CCDC180: variants seen among roughly 807,000 people sequenced by gnomAD.
CCDC180 encodes coiled-coil domain-containing protein 180.
A neutral mutation model predicts 209.2 loss-of-function variants in CCDC180; 154 were observed. The ratio of observed to expected loss-of-function variants is 0.74; its 90% CI spans 0.65 to 0.84. CCDC180 has a LOEUF of 0.84. CCDC180 is among the 40% of genes least tolerant of loss of function. The probability of loss-of-function intolerance (pLI) is 0.00; values close to 1 mark genes in which losing one functional copy is unlikely to be tolerated. For missense variants in CCDC180, 1,874 were observed against 1,997.3 expected, an observed-to-expected ratio of 0.94 and a Z score of 1.18; for synonymous variants, 778 against 749.1, an observed-to-expected ratio of 1.04 and a Z score of -0.63.
chr9:97,314,601 C>G lies in CCDC180; in HGVS notation c.589-17C>G. 1 of 1,613,982 alleles carries G rather than the reference C, an allele frequency of 6.2e-7. No homozygotes were observed. The highest frequency in any genetic ancestry group is 8.5e-7 in the Non-Finnish European group (1 of 1,179,948). On this transcript the variant is annotated splice_polypyrimidine_tract_variant and intron_variant, in intron 6 of 36. Coordinates refer to ENST00000529487, the MANE Select transcript of CCDC180 (RefSeq NM_020893.6). ...CCTCCCACCGGCTCCTAGCCTGACC[C>G]AAACTTCTCTGCGTAGGCCCTGCTG...
At chr9:97,335,350 C>G (rs1395406837) in intron 18 of CCDC180, among the ~76,000 whole-genome samples, 1 of 152,042 alleles carries the variant, frequency 6.6e-6, no homozygotes, top group Non-Finnish European at 1.5e-5. Flanking sequence ...CACAACAGGC[C>G]TTGGTGTGTG....
Position 97,377,015 on chromosome 9 carries a change from G to GGGGTGGA in CCDC180, c.*123_*124insGTGGAGG. 1.7e-6 allele frequency: 2 copies of GGGGTGGA among 1,173,486 alleles called. No individual in the cohort carries two copies. Among genetic ancestry groups the GGGGTGGA allele is most frequent in the Non-Finnish European group, 2.3e-6 (2 of 856,004 alleles). The allele number at this position is 1,173,486 out of a possible 1,614,324, so 72.7% of individuals were successfully genotyped here. Reference sequence around the variant, plus strand: ...CATCCCTCCACCCCTGCTCTGTGCCGGGCACTGTAGCTTTACCAGCGAACA... The same window carrying GGGGTGGA: ...CATCCCTCCACCCCTGCTCTGTGCCGGGGTGGAGGCACTGTAGCTTTACCAGCGAACA... On this transcript the variant is annotated 3_prime_UTR_variant, in exon 37 of 37. Coordinates refer to ENST00000529487, the MANE Select transcript of CCDC180 (RefSeq NM_020893.6).
chr9:97,337,277 T>C (rs1457259439), intron 18 of CCDC180, among the ~76,000 whole-genome samples: 5 of 152,240 alleles, frequency 3.3e-5, no homozygotes, highest in Non-Finnish European at 7.3e-5. Context: ...TTTTGCCCAT[T>C]CAGTATGATA....
rs906799969 is a variant in CCDC180 at position 97,349,176 on chromosome 9, A to C, written c.2740A>C (p.Lys914Gln). 1 of 1,536,294 alleles carries C rather than the reference A, an allele frequency of 6.5e-7. No individual in the cohort carries two copies. The highest frequency in any genetic ancestry group is 8.7e-7 in the Non-Finnish European group (1 of 1,146,992). ...TGCTGGGGTGACCGAGACGCTGAAG[A>C]AGAAGCGGCTGATGTTCTGCCAGTT... Reference protein sequence around the residue: ...HCAGVTETLKKKRLMFCQFQE... With the variant: ...HCAGVTETLKQKRLMFCQFQE... Residue 914 changes from lysine (K) to glutamine (Q), a missense_variant, in exon 21 of 37, where the codon AAG (lysine) becomes CAG (glutamine). By Grantham distance (53) the Lys-to-Gln change is moderately conservative. Coordinates refer to ENST00000529487, the MANE Select transcript of CCDC180 (RefSeq NM_020893.6).
rs1194219814 is a variant in CCDC180, at chr9:97,325,210, G to T, written c.1545+18G>T. On this transcript the variant is annotated intron_variant, in intron 14 of 36. Coordinates refer to ENST00000529487, the MANE Select transcript of CCDC180 (RefSeq NM_020893.6). Reference sequence around the variant, plus strand: ...AGAGCCAGGTGAGACCCACACCCGGGGCTCCATGTTTCACACCACAAACAG... The same window carrying T: ...AGAGCCAGGTGAGACCCACACCCGGTGCTCCATGTTTCACACCACAAACAG... The T allele has an allele frequency of 2.5e-6, 4 of 1,570,968 alleles. No homozygotes were observed. The highest frequency in any genetic ancestry group is 1.7e-6 in the Non-Finnish European group (2 of 1,157,250).
In CCDC180 at chr9:97,357,640, A is replaced by G. The variant is rs770646613; in HGVS notation, c.3278A>G (p.Asn1093Ser). 2.5e-6 allele frequency: 4 copies of G among 1,613,106 alleles called. No homozygotes were observed. The South Asian group carries it at 3.3e-5, about 13-fold the overall frequency. Residue 1093 changes from asparagine (N) to serine (S), a missense_variant, in exon 25 of 37, where the codon AAT becomes AGT. Transcript: ENST00000529487. ...CTGGTTTTCTAGGTGGCAAAATCCA[A>G]TTCGCAAACAAATGGATTAAATTTC... ...VKIKCQVAKS[N>S]SQTNGLNFSL...
chr9:97,320,341 T>C, intron 11 of CCDC180, 136 bp downstream of exon 11: 1 of 798,300 alleles, frequency 1.3e-6, no homozygotes, highest in Non-Finnish European at 2.1e-6. Flanking sequence ...AAGTGAGCTC[T>C]GAGGGCTCAA....
In CCDC180 at chr9:97,322,905, A is replaced by T; in HGVS notation, c.1232A>T (p.His411Leu). The T allele has an allele frequency of 1.2e-6, 2 of 1,613,972 alleles. No individual in the cohort carries two copies. Among genetic ancestry groups the T allele is most frequent in the East Asian group, 2.2e-5 (1 of 44,880 alleles). The change falls in exon 12 of 37, where the codon CAT becomes CTT. Residue 411 changes from histidine to leucine, a missense_variant. Coordinates refer to ENST00000529487, the MANE Select transcript of CCDC180 (RefSeq NM_020893.6). ...AAGACATGGCAGGAGTGCCTGATGC[A>T]TGTGCAGAATTGTAAGGTGGGCACC... is the stretch of plus-strand genomic sequence containing the variant. ...YEKTWQECLM[H>L]VQNCKKQLLD...
rs745744645 is a variant in CCDC180 at position 97,313,406 on chromosome 9, A to G, written c.459+61A>G. 6 of 1,254,996 alleles carry G rather than the reference A, an allele frequency of 4.8e-6. No individual in the cohort carries two copies. In the East Asian group the frequency reaches 1.2e-4, roughly 25 times the overall value. 77.7% of individuals were successfully genotyped at this position (1,254,996 alleles called of 1,614,324 possible). On this transcript the variant is annotated intron_variant, in intron 5 of 36. Transcript: ENST00000529487. ...GTGCCATTCCAAAGGTGGGTGTGTCATGGCTCCCAGCCTTCCTCCCCCTCT... is the reference window on the plus strand; with the variant it reads ...GTGCCATTCCAAAGGTGGGTGTGTCGTGGCTCCCAGCCTTCCTCCCCCTCT...
intron 35 of CCDC180, 39 bp downstream of exon 35, chr9:97,374,687 G>GT: frequency 2.0e-6 from 3 of 1,517,256 alleles, no homozygotes; most frequent in African/African-American, 1.4e-5. Context: ...GTAAATGGCT[G>GT]TATCTGCTGG....
chr9:97,350,110 A>G (rs1826379654), intron 21 of CCDC180, among the ~76,000 whole-genome samples: 1 of 152,016 alleles, frequency 6.6e-6, no homozygotes, highest in Non-Finnish European at 1.5e-5. Flanking sequence ...TGTGGAGCCC[A>G]AATAGACTCC....
At position 97,364,055 on chromosome 9, in the gene CCDC180, A is replaced by G. The variant is rs746929251; in HGVS notation, c.3907A>G (p.Thr1303Ala). The G allele has an allele frequency of 6.2e-7, 1 of 1,614,000 alleles. No homozygotes were observed. The highest frequency in any genetic ancestry group is 1.1e-5 in the South Asian group (1 of 91,060). The change falls in exon 29 of 37, where the codon ACA becomes GCA. Residue 1303 changes from threonine to alanine, a missense_variant. Transcript: ENST00000529487. ...CCACCCACCTTTGTCCCACAGCTTCACACCGCACCCCAAGCCCAACAAAAT... is the reference window on the plus strand; with the variant it reads ...CCACCCACCTTTGTCCCACAGCTTCGCACCGCACCCCAAGCCCAACAAAAT... Reference protein sequence around the residue: ...SASATSAGSFTPHPKPNKMER... With the variant: ...SASATSAGSFAPHPKPNKMER...
Position 97,375,575 on chromosome 9 carries a change from G to A in CCDC180, c.4828G>A (p.Asp1610Asn). Reference protein sequence around the residue: ...LGHLAAVEARDAVYLKYLASF... With the variant: ...LGHLAAVEARNAVYLKYLASF... ...CCACCTGGCGGCCGTGGAAGCCCGA[G>A]ATGCTGTGTACCTGGTGAGACAGGG... is the stretch of plus-strand genomic sequence containing the variant. Residue 1610 changes from aspartate (D) to asparagine (N), a missense_variant, in exon 36 of 37, where the codon GAT becomes AAT. Asp to Asn is a conservative substitution (Grantham distance 23). Coordinates refer to ENST00000529487, the MANE Select transcript of CCDC180 (RefSeq NM_020893.6). 1 of 1,614,264 alleles carries A rather than the reference G, an allele frequency of 6.2e-7. No homozygotes were observed. Among genetic ancestry groups the A allele is most frequent in the Non-Finnish European group, 8.5e-7 (1 of 1,180,052 alleles).
intron 25 of CCDC180, among the ~76,000 whole-genome samples, 154 bp from the exon 26 acceptor site, chr9:97,359,828 C>T (rs915287812): frequency 2.6e-5 from 4 of 152,184 alleles, no homozygotes; most frequent in South Asian, 4.2e-4. Context: ...CAGCCTTCCC[C>T]ACTCCCCAAG....
chr9:97,318,507 C>T lies in CCDC180; in HGVS notation c.1004C>T (p.Thr335Met), dbSNP rs143164783. The T allele has an allele frequency of 7.4e-6, 12 of 1,613,630 alleles. No homozygotes were observed. Among genetic ancestry groups the T allele is most frequent in the Middle Eastern group, 1.6e-4 (1 of 6,082 alleles). ...AGTATCCATACTCCCCCGGCTGTGA[C>T]GAAGGAGCTAGAGGTCATGCTGAAG... Reference protein sequence around the residue: ...SESIHTPPAVTKELEVMLKTQ... With the variant: ...SESIHTPPAVMKELEVMLKTQ... The change falls in exon 10 of 37, where the codon ACG becomes ATG. Residue 335 changes from threonine (T) to methionine (M), a missense_variant. Thr to Met is a moderately conservative substitution (Grantham distance 81). Coordinates refer to ENST00000529487, the MANE Select transcript of CCDC180 (RefSeq NM_020893.6).
At chr9:97,344,456 A>G (rs904155611) in intron 19 of CCDC180, among the ~76,000 whole-genome samples, 9 of 152,198 alleles carry the variant, frequency 5.9e-5, no homozygotes, top group African/African-American at 1.7e-4. Flanking sequence ...TCTCCATAGC[A>G]GATAGGACAA....
In CCDC180 at chr9:97,364,136, A is replaced by T; in HGVS notation, c.3980+8A>T. The T allele has an allele frequency of 6.2e-7, 1 of 1,613,764 alleles. No individual in the cohort carries two copies. The highest frequency in any genetic ancestry group is 8.5e-7 in the Non-Finnish European group (1 of 1,179,786). ...GCCTCCCCCTGCTGCCGAGTGAGTA[A>T]CAACGCCTTTCCTTTTGACTGCATT... On this transcript the variant is annotated splice_region_variant and intron_variant, in intron 29 of 36. Coordinates refer to ENST00000529487, the MANE Select transcript of CCDC180 (RefSeq NM_020893.6).
rs776228500 is a variant in CCDC180, at chr9:97,314,501, C to G, written c.568C>G (p.Leu190Val). The change falls in exon 6 of 37, where the codon CTT (leucine) becomes GTT (valine). Residue 190 changes from leucine (L) to valine (V), a missense_variant. Leu to Val is a conservative substitution (Grantham distance 32). Transcript: ENST00000529487. Reference protein sequence around the residue: ...LFLKVENDTNLEDYTIQALLE... With the variant: ...LFLKVENDTNVEDYTIQALLE... ...CCTAAAGGTGGAAAATGACACCAAC[C>G]TTGAGGACTACACCATCCAAGTAGG... The G allele has an allele frequency of 8.1e-6, 13 of 1,614,136 alleles. No homozygotes were observed. Among genetic ancestry groups the G allele is most frequent in the Non-Finnish European group, 1.1e-5 (13 of 1,180,034 alleles).
chr9:97,377,234 A>C lies in CCDC180; in HGVS notation c.*340A>C. On this transcript the variant is annotated 3_prime_UTR_variant, in exon 37 of 37. Coordinates refer to ENST00000529487, the MANE Select transcript of CCDC180 (RefSeq NM_020893.6). The stretch of plus-strand genomic sequence containing the variant: ...GCACGTCATCTTGAAAAATGAAATA[A>C]AGGTCATGGGAAAATGATATTTTAA... 5.5e-6 allele frequency: 1 copy of C among 182,042 alleles called. No homozygotes were observed. The highest frequency in any genetic ancestry group is 1.2e-5 in the Non-Finnish European group (1 of 86,206). The allele number at this position is 182,042 out of a possible 1,614,324, so 11.3% of individuals were successfully genotyped here.
Sources: allele counts gnomAD v4.1 joint callset (sites outside exome capture counted in the v4.1 genomes callset), GRCh38; gene constraint gnomAD v4.1.1; transcripts MANE v1.5; gene names NCBI Gene and HGNC (gene_info 2026-07-23, HGNC 2026-07-21).